Variants in HTR1D observed in about 807,000 individuals in gnomAD.
The protein encoded by HTR1D is 5-hydroxytryptamine receptor 1D.
A neutral mutation model predicts 21.1 loss-of-function variants in HTR1D; 18 were observed. That is an observed-to-expected ratio of 0.85 (90% CI 0.59 to 1.27). The LOEUF (loss-of-function observed/expected upper bound fraction) is 1.27. Among genes scored for constraint, HTR1D ranks in the 50% most tolerant of loss-of-function variants. HTR1D has a pLI of 0.00. For missense variants in HTR1D, 456 were observed against 481.4 expected (o/e 0.95, Z 0.49); for synonymous variants, 196 against 204.4 (o/e 0.96, Z 0.35).
chr1:23,204,832 TCA>T (rs1644723733), intron 1 of HTR1D, among the ~76,000 whole-genome samples: 1 of 152,114 alleles, frequency 6.6e-6, no homozygotes, highest in Admixed American at 6.6e-5. Context: ...ACAGAGCCTC[TCA>T]CACAACCAGC....
At chr1:23,199,499 T>C (rs531176897) in intron 1 of HTR1D, among the ~76,000 whole-genome samples, 7 of 127,464 alleles carry the variant, frequency 5.5e-5, no homozygotes, top group Non-Finnish European at 9.6e-5. Context: ...GGCACAGTCA[T>C]AGCTCACTGC....
Position 23,193,550 on chromosome 1 carries a change from C to A in HTR1D, c.670G>T (p.Ala224Ser), listed in dbSNP as rs570200119. 29 of 1,614,026 alleles carry A rather than the reference C, an allele frequency of 1.8e-5. No individual in the cohort carries two copies. In the East Asian group the frequency reaches 5.3e-4, roughly 30 times the overall value. ...GGTGGATTCAGGATGCGGTTCCGGG[C>A]AGCCCGGTAGATCCGGCCATATAGG... is the stretch of plus-strand genomic sequence containing the variant. The part of the protein sequence containing the change: ...IILYGRIYRA[A>S]RNRILNPPSL... Residue 224 changes from alanine (A) to serine (S), a missense_variant, in exon 2 of 2, where the codon GCC (alanine) becomes TCC (serine). Physicochemically the swap from Ala to Ser is moderately conservative, Grantham distance 99. Transcript: ENST00000374619.
chr1:23,217,025 C>A lies in HTR1D; in HGVS notation c.-783+266G>T, dbSNP rs1253406179. ...GTTCTCGCCTGGGCGCTGGGCACCC[C>A]CAACGCGCGCGTGGGATCCCGCAGC... On this transcript the variant is annotated intron_variant, in intron 1 of 1. Coordinates refer to ENST00000374619, the MANE Select transcript of HTR1D (RefSeq NM_000864.5). The surrounding 1 kb of genome is among the most constrained non-coding windows in gnomAD (Gnocchi z 4.6). Among the ~76,000 whole-genome samples the A allele has an allele frequency of 6.6e-6, 1 of 152,046 alleles. No individual in the cohort carries two copies. The highest frequency in any genetic ancestry group is 1.5e-5 in the Non-Finnish European group (1 of 67,950).
rs1411383467 is a variant in HTR1D at position 23,217,402 on chromosome 1, C to G, written c.-894G>C. On this transcript the variant is annotated 5_prime_UTR_variant, in exon 1 of 2. Transcript: ENST00000374619. This position sits in a 1 kb window ranked among gnomAD's most constrained non-coding sequence, Gnocchi z 4.6. ...TCTCCGCCGCGACCCCCGCCGAACT[C>G]GGGGGCCGCCCGCCCCGCCGCCCCG... Among the ~76,000 whole-genome samples the G allele has an allele frequency of 6.6e-6, 1 of 151,866 alleles. No homozygotes were observed. The highest frequency in any genetic ancestry group is 6.6e-5 in the Admixed American group (1 of 15,260).
At position 23,217,332 on chromosome 1, in the gene HTR1D, C is replaced by T. The variant is rs1387847890; in HGVS notation, c.-824G>A. On this transcript the variant is annotated 5_prime_UTR_variant, in exon 1 of 2. Transcript: ENST00000374619. This position sits in a 1 kb window ranked among gnomAD's most constrained non-coding sequence, Gnocchi z 4.6. ...AGGTGCGCACACCCGGCGTACCCGCCCGATCCACTTCCTCGCGCGGCGTCT... is the reference window on the plus strand; with the variant it reads ...AGGTGCGCACACCCGGCGTACCCGCTCGATCCACTTCCTCGCGCGGCGTCT... Among the ~76,000 whole-genome samples, 1 of 151,736 alleles carries T rather than the reference C, an allele frequency of 6.6e-6. No homozygotes were observed. Among genetic ancestry groups the T allele is most frequent in the East Asian group, 2.0e-4 (1 of 5,104 alleles).
intron 1 of HTR1D, among the ~76,000 whole-genome samples, chr1:23,212,731 C>G (rs1644758511): frequency 6.6e-6 from 1 of 152,154 alleles, no homozygotes. Context: ...CTCTGTACCT[C>G]TGGCCCCAAA....
chr1:23,209,245 C>T (rs1351415942), intron 1 of HTR1D, among the ~76,000 whole-genome samples: 8 of 152,086 alleles, frequency 5.3e-5, no homozygotes, highest in African/African-American at 1.7e-4. Flanking sequence ...GTGATCCGTC[C>T]GCCTCGGCCT....
intron 1 of HTR1D, among the ~76,000 whole-genome samples, chr1:23,215,757 C>T (rs1470567278): frequency 1.3e-5 from 2 of 152,222 alleles, no homozygotes; most frequent in African/African-American, 4.8e-5. Flanking sequence ...GGCGGTGAGC[C>T]AGCAGGCAGG....
At position 23,193,527 on chromosome 1, in the gene HTR1D, T is replaced by C. The variant is rs776525456; in HGVS notation, c.693A>G (p.Pro231=). 6.2e-7 allele frequency: 1 copy of C among 1,613,196 alleles called. No homozygotes were observed. Among genetic ancestry groups the C allele is most frequent in the Admixed American group, 1.7e-5 (1 of 59,914 alleles). The change falls in exon 2 of 2, where the codon CCA becomes CCG. Residue 231 remains proline, a synonymous_variant. Coordinates refer to ENST00000374619, the MANE Select transcript of HTR1D (RefSeq NM_000864.5). Reference sequence around the variant, plus strand: ...TGAAGCGCTTCCCATAGAGTGAGGGTGGATTCAGGATGCGGTTCCGGGCAG... The same window carrying C: ...TGAAGCGCTTCCCATAGAGTGAGGGCGGATTCAGGATGCGGTTCCGGGCAG... ...YRAARNRILN[P]PSLYGKRFTT...
chr1:23,196,070 G>T (rs1314765663), intron 1 of HTR1D, among the ~76,000 whole-genome samples: 2 of 151,620 alleles, frequency 1.3e-5, no homozygotes, highest in East Asian at 3.9e-4. Context: ...CAAACTCCTG[G>T]ACTTAAGCGA....
chr1:23,201,164 T>C (rs191002791), intron 1 of HTR1D, among the ~76,000 whole-genome samples: 80 of 152,200 alleles, frequency 5.3e-4, no homozygotes, highest in African/African-American at 1.8e-3. Flanking sequence ...ATGGAGACCA[T>C]GGGGAGCTGG....
In HTR1D at chr1:23,193,126, T is replaced by C. The variant is rs763435170; in HGVS notation, c.1094A>G (p.Gln365Arg). Residue 365 changes from glutamine to arginine, a missense_variant, in exon 2 of 2, where the codon CAA (glutamine) becomes CGA (arginine). Physicochemically the swap from Gln to Arg is conservative, Grantham distance 43 (BLOSUM62 1). Transcript: ENST00000374619. ...IYTVFNEEFR[Q>R]AFQKIVPFRK... ...GAAAGGGACAATTTTCTGAAAAGCT[T>C]GCCGAAACTCTTCATTAAACACAGT... 31 of 1,611,512 alleles carry C rather than the reference T, an allele frequency of 1.9e-5. No homozygotes were observed. The South Asian group carries it at 3.0e-4, about 16-fold the overall frequency.
At chr1:23,214,049 A>G (rs1482720547) in intron 1 of HTR1D, among the ~76,000 whole-genome samples, 1 of 152,312 alleles carries the variant, frequency 6.6e-6, no homozygotes, top group East Asian at 1.9e-4. Flanking sequence ...TTCAGAGCAC[A>G]GTAGACTGGC....
chr1:23,193,941 G>T lies in HTR1D; in HGVS notation c.279C>A (p.Pro93=). 6.2e-7 allele frequency: 1 copy of T among 1,614,192 alleles called. No individual in the cohort carries two copies. Among genetic ancestry groups the T allele is most frequent in the South Asian group, 1.1e-5 (1 of 91,078 alleles). Residue 93 remains proline (P), a synonymous_variant, in exon 2 of 2, where the codon CCC becomes CCA. Transcript: ENST00000374619. The stretch of plus-strand genomic sequence containing the variant: ...GGGTGATGGTATAGGCGATGCTGAT[G>T]GGCATTACCAAGATGGAAACCAAGA... The part of the protein sequence containing the change: ...TDLLVSILVM[P]ISIAYTITHT...
At chr1:23,197,612 C>T (rs968906434) in intron 1 of HTR1D, among the ~76,000 whole-genome samples, 2 of 151,684 alleles carry the variant, frequency 1.3e-5, no homozygotes, top group African/African-American at 4.8e-5. Context: ...CACCCAGCTA[C>T]TCGGGAGGCT....
At chr1:23,210,895 A>G (rs1449489384) in intron 1 of HTR1D, among the ~76,000 whole-genome samples, 4 of 152,062 alleles carry the variant, frequency 2.6e-5, no homozygotes, top group Non-Finnish European at 5.9e-5. Context: ...TCCGCAGAGA[A>G]CACTTTGAGC....
intron 1 of HTR1D, among the ~76,000 whole-genome samples, chr1:23,201,881 C>T (rs1393779220): frequency 6.6e-6 from 1 of 151,988 alleles, no homozygotes; most frequent in East Asian, 1.9e-4. Context: ...TTCCTTCCCA[C>T]CAACCAATCC....
At chr1:23,201,609 G>A (rs1330177513) in intron 1 of HTR1D, among the ~76,000 whole-genome samples, 1 of 152,134 alleles carries the variant, frequency 6.6e-6, no homozygotes, top group Non-Finnish European at 1.5e-5. Context: ...GAGTGCAGTG[G>A]CATGATCATG....
rs767786938 is a variant in HTR1D at position 23,193,272 on chromosome 1, G to T, written c.948C>A (p.Pro316=). Residue 316 remains proline (P), a synonymous_variant, in exon 2 of 2, where the codon CCC becomes CCA. Transcript: ENST00000374619. Reference sequence around the variant, plus strand: ...GGAGGACCAGAGACACCACGAAGAAGGGCAGCCAGCAGATGATAAAGGCCC... The same window carrying T: ...GGAGGACCAGAGACACCACGAAGAATGGCAGCCAGCAGATGATAAAGGCCC... ...ILGAFIICWL[P]FFVVSLVLPI... 6.2e-7 allele frequency: 1 copy of T among 1,614,160 alleles called. No individual in the cohort carries two copies.
Sources: gnomAD v4.1 joint callset for allele counts (sites outside exome capture counted in the v4.1 genomes callset) on GRCh38, gnomAD v4.1.1 for gene constraint, Gnocchi (gnomAD v3.1) non-coding constraint, MANE v1.5 for transcripts, NCBI Gene and HGNC (gene_info 2026-07-23, HGNC 2026-07-21) for gene names.